Variants in SLC2A13 observed in about 807,000 individuals in gnomAD.
SLC2A13 encodes solute carrier family 2 member 13.
SLC2A13 carries 32 observed loss-of-function variants against 64.4 expected under a neutral mutation model. That is an observed-to-expected ratio of 0.50 (90% confidence interval 0.37 to 0.67). The LOEUF (loss-of-function observed/expected upper bound fraction) is 0.67, where lower values mean the gene tolerates loss of function less well. Ranked by LOEUF, SLC2A13 falls within the 30% of genes least tolerant of loss-of-function variation. SLC2A13 has a pLI of 0.00. For synonymous variants in SLC2A13, 338 were observed against 327.1 expected (o/e 1.03, Z -0.36); for missense variants, 743 against 829.2 (o/e 0.90, Z 1.28).
intron 3 of SLC2A13, among the ~76,000 whole-genome samples, chr12:40,018,459 TTGTGGATGAAA>T (rs1947656681): frequency 6.6e-6 from 1 of 152,224 alleles, no homozygotes; most frequent in Non-Finnish European, 1.5e-5. Context: ...TAGTTCTTTC[TTGTGGATGAAA>T]TACGATTTTT....
At chr12:39,839,094 A>C (rs1943108829) in intron 6 of SLC2A13, among the ~76,000 whole-genome samples, 1 of 152,010 alleles carries the variant, frequency 6.6e-6, no homozygotes, top group Non-Finnish European at 1.5e-5. Context: ...TTCCCCTAAC[A>C]GCTATTCCCA....
intron 6 of SLC2A13, among the ~76,000 whole-genome samples, chr12:39,863,540 T>C (rs559993827): frequency 6.6e-6 from 1 of 152,276 alleles, no homozygotes; most frequent in South Asian, 2.1e-4. Flanking sequence ...AAAGTAACTG[T>C]GTTAAAAACA....
chr12:39,799,647 C>T (rs1941713846), intron 7 of SLC2A13, among the ~76,000 whole-genome samples: 1 of 152,102 alleles, frequency 6.6e-6, no homozygotes, highest in African/African-American at 2.4e-5. Flanking sequence ...AAAATCAAGA[C>T]CACAAAACAG....
chr12:39,947,658 C>CTT (rs35298500), intron 4 of SLC2A13, among the ~76,000 whole-genome samples: 102 of 122,198 alleles, frequency 8.3e-4, no homozygotes, highest in African/African-American at 1.5e-3. Flanking sequence ...GTGAGAATTT[C>CTT]TTTTTTTTTT....
intron 7 of SLC2A13, among the ~76,000 whole-genome samples, chr12:39,772,541 C>T (rs1940621121): frequency 6.6e-6 from 1 of 151,136 alleles, no homozygotes; most frequent in Admixed American, 6.6e-5. Flanking sequence ...TGTCCCTTGA[C>T]CAATAATCCC....
intron 4 of SLC2A13, among the ~76,000 whole-genome samples, chr12:39,895,421 T>C (rs1944721152): frequency 7.5e-6 from 1 of 133,408 alleles, no homozygotes; most frequent in East Asian, 2.2e-4. Context: ...ACCTGGGAGG[T>C]GGAGCTTGCA....
chr12:39,792,480 G>A (rs1566794771), intron 7 of SLC2A13, among the ~76,000 whole-genome samples: 1 of 152,242 alleles, frequency 6.6e-6, no homozygotes, highest in Admixed American at 6.5e-5. Context: ...AATCTGGCAT[G>A]TATTTGGGAT....
intron 1 of SLC2A13, among the ~76,000 whole-genome samples, chr12:40,067,631 C>G (rs961164711): frequency 6.6e-6 from 1 of 151,982 alleles, no homozygotes; most frequent in Non-Finnish European, 1.5e-5. Flanking sequence ...ATATAGCTTT[C>G]TACTCATTTT....
At chr12:39,987,760 T>C (rs1479668491) in intron 3 of SLC2A13, among the ~76,000 whole-genome samples, 1 of 152,202 alleles carries the variant, frequency 6.6e-6, no homozygotes, top group Non-Finnish European at 1.5e-5. Flanking sequence ...TATCCTTTAT[T>C]ACTACAGTTT....
At chr12:39,952,518 A>T (rs1228473619) in intron 3 of SLC2A13, among the ~76,000 whole-genome samples, 1 of 152,184 alleles carries the variant, frequency 6.6e-6, no homozygotes, top group African/African-American at 2.4e-5. Flanking sequence ...TTAGTATGGG[A>T]CGTCAAGCCA....
At chr12:39,833,055 C>A (rs1214785472) in intron 6 of SLC2A13, among the ~76,000 whole-genome samples, 1 of 152,078 alleles carries the variant, frequency 6.6e-6, no homozygotes, top group Non-Finnish European at 1.5e-5. Flanking sequence ...TTACATTTAT[C>A]CACATCCTGG....
At chr12:40,048,571 T>C (rs1948204179) in intron 1 of SLC2A13, among the ~76,000 whole-genome samples, 1 of 152,186 alleles carries the variant, frequency 6.6e-6, no homozygotes, top group Non-Finnish European at 1.5e-5. Context: ...TTAGTCTATA[T>C]GGAAATGTAA....
chr12:39,788,220 A>G (rs76123156), intron 7 of SLC2A13, among the ~76,000 whole-genome samples: 11,729 of 152,194 alleles, frequency 0.077, 494 homozygotes, highest in Non-Finnish European at 0.099. Context: ...AAACCTATGA[A>G]TATGTTTATA....
At chr12:40,055,038 G>T (rs922268128) in intron 1 of SLC2A13, among the ~76,000 whole-genome samples, 1 of 152,128 alleles carries the variant, frequency 6.6e-6, no homozygotes, top group Non-Finnish European at 1.5e-5. Flanking sequence ...AGAATCCCTC[G>T]CTGTGGTTGT....
chr12:40,097,900 A>G (rs1939006461), intron 1 of SLC2A13, among the ~76,000 whole-genome samples: 2 of 152,068 alleles, frequency 1.3e-5, no homozygotes, highest in South Asian at 4.1e-4. Context: ...TCAAAGAAGG[A>G]CCTCAAAGAG....
At chr12:39,838,908 C>A (rs1943102340) in intron 6 of SLC2A13, among the ~76,000 whole-genome samples, 2 of 152,044 alleles carry the variant, frequency 1.3e-5, no homozygotes, top group Admixed American at 1.3e-4. Context: ...AGTGTTTGAT[C>A]TTAAAATGCC....
chr12:39,935,340 A>G (rs1322726440), intron 4 of SLC2A13, among the ~76,000 whole-genome samples: 1 of 152,234 alleles, frequency 6.6e-6, no homozygotes, highest in Admixed American at 6.5e-5. Flanking sequence ...GGTCAGGACT[A>G]ACTTGGCAAC....
At chr12:39,863,978 A>G (rs1943838019) in intron 6 of SLC2A13, among the ~76,000 whole-genome samples, 1 of 152,208 alleles carries the variant, frequency 6.6e-6, no homozygotes, top group Admixed American at 6.5e-5. Context: ...AGGAATATAC[A>G]TTTTTGTTAA....
At chr12:39,809,933 G>A (rs998379846) in intron 7 of SLC2A13, among the ~76,000 whole-genome samples, 4 of 152,118 alleles carry the variant, frequency 2.6e-5, no homozygotes, top group Non-Finnish European at 5.9e-5. Context: ...TTGGTTTCAA[G>A]TCTTTGCTAT....
Sources: gnomAD v4.1 joint callset for allele counts (sites outside exome capture counted in the v4.1 genomes callset) on GRCh38, gnomAD v4.1.1 for gene constraint, MANE v1.5 for transcripts, NCBI Gene and HGNC (gene_info 2026-07-23, HGNC 2026-07-21) for gene names.